RREB1: variants seen among roughly 807,000 people sequenced by gnomAD.
The protein encoded by RREB1 is ras-responsive element-binding protein 1.
RREB1 carries 27 observed loss-of-function variants against 117.8 expected under a neutral mutation model. The ratio of observed to expected loss-of-function variants is 0.23; its 90% CI spans 0.17 to 0.32. The LOEUF is 0.32. Ranked by LOEUF, RREB1 falls within the 10% of genes least tolerant of loss-of-function variation. The probability of loss-of-function intolerance (pLI) is 1.00; values close to 1 mark genes in which losing one functional copy is unlikely to be tolerated. For synonymous variants in RREB1, 1,298 were observed against 1,026.7 expected (o/e 1.26, Z -5.05); for missense variants, 2,577 against 2,378.2 (o/e 1.08, Z -1.74).
intron 6 of RREB1, among the ~76,000 whole-genome samples, chr6:7,210,573 A>G (rs556471767): frequency 6.6e-6 from 1 of 152,374 alleles, no homozygotes; most frequent in East Asian, 1.9e-4. Context: ...AATGTCTTCC[A>G]GTGAACAGCA....
rs201893055 is a variant in RREB1, at chr6:7,231,305, C to T, written c.3206C>T (p.Ala1069Val). Residue 1069 changes from alanine to valine, a missense_variant, in exon 10 of 13, where the codon GCC becomes GTC. Coordinates refer to ENST00000379938, the MANE Select transcript of RREB1 (RefSeq NM_001003699.4). ...GAGCTGCCCCCGCTGGCCTCCATTGCCCAGATCATCTCATCTGTATCCTCG... is the reference window on the plus strand; with the variant it reads ...GAGCTGCCCCCGCTGGCCTCCATTGTCCAGATCATCTCATCTGTATCCTCG... ...TEELPPLASI[A>V]QIISSVSSAP... is the part of the protein sequence containing the mutation. 107 of 1,609,108 alleles carry T rather than the reference C, an allele frequency of 6.6e-5. No homozygotes were observed. The highest frequency in any genetic ancestry group is 5.0e-4 in the Admixed American group (30 of 59,758).
chr6:7,190,137 T>C (rs1765326045), intron 6 of RREB1, among the ~76,000 whole-genome samples: 2 of 152,214 alleles, frequency 1.3e-5, no homozygotes, highest in Non-Finnish European at 2.9e-5. Flanking sequence ...CACGTACACA[T>C]GGGACATACT....
chr6:7,221,077 A>T (rs1767219668), intron 8 of RREB1, among the ~76,000 whole-genome samples: 1 of 152,046 alleles, frequency 6.6e-6, no homozygotes, highest in South Asian at 2.1e-4. Context: ...GGGCTGATCC[A>T]AGTGTTTCTG....
intron 1 of RREB1, among the ~76,000 whole-genome samples, chr6:7,131,751 C>A (rs1762165225): frequency 6.6e-6 from 1 of 152,196 alleles, no homozygotes; most frequent in African/African-American, 2.4e-5. Flanking sequence ...GTGTAAGCCA[C>A]ACGCCCGGCC....
intron 2 of RREB1, among the ~76,000 whole-genome samples, chr6:7,177,080 G>A (rs577948439): frequency 2.0e-5 from 3 of 152,012 alleles, no homozygotes; most frequent in Admixed American, 6.6e-5. Context: ...TTAGCCAGGC[G>A]TGGTGGTGCG....
At chr6:7,205,935 TG>T (rs1766247083) in intron 6 of RREB1, among the ~76,000 whole-genome samples, 1 of 152,290 alleles carries the variant, frequency 6.6e-6, no homozygotes, top group South Asian at 2.1e-4. Context: ...TGCTCAGATT[TG>T]GGGGTTTTTT....
At chr6:7,216,196 A>G (rs1322915911) in intron 8 of RREB1, 7 of 152,324 alleles carry the variant, frequency 4.6e-5, no homozygotes, top group Admixed American at 3.9e-4. Flanking sequence ...GGCTAGGCAC[A>G]AAACAAGCTG....
intron 1 of RREB1, among the ~76,000 whole-genome samples, chr6:7,121,073 C>T (rs1175721673): frequency 6.6e-6 from 1 of 152,090 alleles, no homozygotes; most frequent in Non-Finnish European, 1.5e-5. Flanking sequence ...ATCCACCCAC[C>T]TCAGCCTCCC....
rs141632901 is a variant in RREB1 at position 7,247,738 on chromosome 6, T to A, written c.4771+517T>A. Among the ~76,000 whole-genome samples, 390 of 152,316 alleles carry A rather than the reference T, an allele frequency of 2.6e-3. 2 individuals are homozygous for A. The highest frequency in any genetic ancestry group is 0.01 in the Middle Eastern group (3 of 294). ...GGGACAGGACCCTTAGCCACTGCCC[T>A]TCACACCGTTCTAGAGTTCACCCAC... On this transcript the variant is annotated intron_variant, in intron 12 of 12. Transcript: ENST00000379938.
rs373850244 is a variant in RREB1 at position 7,121,483 on chromosome 6, C to T, written c.-285+13423C>T. On this transcript the variant is annotated intron_variant, in intron 1 of 12. Coordinates refer to ENST00000379938, the MANE Select transcript of RREB1 (RefSeq NM_001003699.4). ...AAGTACCTCAGTGGTCACCCGATGC[C>T]CTTAATATATTAGAGTTACATTAGT... Among the ~76,000 whole-genome samples, 6 of 152,158 alleles carry T rather than the reference C, an allele frequency of 3.9e-5. No homozygotes were observed. The East Asian group carries it at 5.8e-4, about 15-fold the overall frequency.
At chr6:7,114,503 C>A (rs981523479) in intron 1 of RREB1, among the ~76,000 whole-genome samples, 15 of 151,232 alleles carry the variant, frequency 9.9e-5, no homozygotes, top group African/African-American at 3.7e-4. Flanking sequence ...CTGCTACTGG[C>A]CTTTAGTGCA....
chr6:7,170,896 A>G (rs1764173745), intron 1 of RREB1, among the ~76,000 whole-genome samples: 1 of 152,200 alleles, frequency 6.6e-6, no homozygotes, highest in Non-Finnish European at 1.5e-5. Context: ...GGAAGCCTCC[A>G]GAGAGCTGTT....
intron 6 of RREB1, among the ~76,000 whole-genome samples, chr6:7,198,908 T>G (rs1765797831): frequency 6.6e-6 from 1 of 152,120 alleles, no homozygotes; most frequent in African/African-American, 2.4e-5. Context: ...AGAGTGGAGA[T>G]TTTCCACTAG....
chr6:7,174,648 G>A (rs892311770), intron 1 of RREB1, among the ~76,000 whole-genome samples: 5 of 152,134 alleles, frequency 3.3e-5, no homozygotes, highest in Non-Finnish European at 5.9e-5. Context: ...ACTCTCTGTC[G>A]TCCAGGCTGG....
intron 1 of RREB1, among the ~76,000 whole-genome samples, chr6:7,158,385 C>T (rs772871770): frequency 6.6e-6 from 1 of 152,098 alleles, no homozygotes; most frequent in Non-Finnish European, 1.5e-5. Context: ...AAAACTCTTA[C>T]ATCACTTTTC....
intron 1 of RREB1, among the ~76,000 whole-genome samples, chr6:7,130,929 CTTTTTTTTTTTTTTT>C (rs61305060): frequency 8.7e-5 from 4 of 45,718 alleles, no homozygotes; most frequent in Admixed American, 8.4e-4. Context: ...ATAGTCATGT[CTTTTTTTTTTTTTTT>C]TTTTTTTTTT....
intron 10 of RREB1, among the ~76,000 whole-genome samples, chr6:7,232,277 A>T (rs1768040752): frequency 6.6e-6 from 1 of 152,186 alleles, no homozygotes; most frequent in Non-Finnish European, 1.5e-5. Context: ...CAGACGTGAG[A>T]CTTTGTATTA....
At chr6:7,126,230 G>A (rs1474431059) in intron 1 of RREB1, among the ~76,000 whole-genome samples, 1 of 152,064 alleles carries the variant, frequency 6.6e-6, no homozygotes, top group African/African-American at 2.4e-5. Context: ...TTGAACTGCT[G>A]ACCTCGTGAT....
chr6:7,170,362 C>T (rs1048304940), intron 1 of RREB1, among the ~76,000 whole-genome samples: 4 of 152,138 alleles, frequency 2.6e-5, no homozygotes, highest in Non-Finnish European at 5.9e-5. Flanking sequence ...AACTGTTCTC[C>T]CCGTCACCTG....
Sources: allele counts gnomAD v4.1 joint callset (sites outside exome capture counted in the v4.1 genomes callset), GRCh38; gene constraint gnomAD v4.1.1; transcripts MANE v1.5; gene names NCBI Gene and HGNC (gene_info 2026-07-23, HGNC 2026-07-21).